The following CC2D2A variants were observed in gnomAD, a reference collection of about 807,000 sequenced individuals.
CC2D2A encodes the protein coiled-coil and C2 domain-containing protein 2A.
CC2D2A carries 155 observed loss-of-function variants against 212.9 expected under a neutral mutation model. The observed-to-expected ratio is 0.73, with a 90% confidence interval of 0.64 to 0.83. CC2D2A has a LOEUF of 0.83. Among genes scored for constraint, CC2D2A ranks in the 40% least tolerant of loss-of-function variants. CC2D2A has a pLI of 0.00. For missense variants in CC2D2A, 1,856 were observed against 1,956.2 expected (o/e 0.95, Z 0.97); for synonymous variants, 667 against 686.5 (o/e 0.97, Z 0.44).
At chr4:15,548,791 T>C (rs574362511) in intron 17 of CC2D2A, among the ~76,000 whole-genome samples, 1 of 152,278 alleles carries the variant, frequency 6.6e-6, no homozygotes, top group Non-Finnish European at 1.5e-5. Context: ...TGGCACTCCT[T>C]GTCCCATCAG....
intron 1 of CC2D2A, among the ~76,000 whole-genome samples, chr4:15,474,495 TAGAA>T (rs1714042545): frequency 1.3e-5 from 2 of 151,064 alleles, no homozygotes; most frequent in Non-Finnish European, 3.0e-5. Flanking sequence ...AAAAAAAAAA[TAGAA>T]AGAATGAATG....
At position 15,590,470 on chromosome 4, in the gene CC2D2A, G is replaced by A. The variant is rs896432069; in HGVS notation, c.4314+791G>A. ...GCAGAGGTTGCAACGAGCTGAGATGGAGCCACTGCATTCCATCCTGGGCAA... is the reference window on the plus strand; with the variant it reads ...GCAGAGGTTGCAACGAGCTGAGATGAAGCCACTGCATTCCATCCTGGGCAA... On this transcript the variant is annotated intron_variant, in intron 33 of 36. Coordinates refer to ENST00000424120, the MANE Select transcript of CC2D2A (RefSeq NM_001378615.1). 4.6e-5 allele frequency among the ~76,000 whole-genome samples: 7 copies of A among 152,122 alleles called. No individual in the cohort carries two copies. The East Asian group carries it at 1.4e-3, about 29-fold the overall frequency.
At chr4:15,496,860 G>A (rs747701847) in intron 4 of CC2D2A, among the ~76,000 whole-genome samples, 3 of 152,016 alleles carry the variant, frequency 2.0e-5, no homozygotes, top group Admixed American at 1.3e-4. Flanking sequence ...TAACCAGGAA[G>A]GTAAAAGATC....
intron 4 of CC2D2A, among the ~76,000 whole-genome samples, chr4:15,493,425 G>C (rs1715432987): frequency 6.6e-6 from 1 of 151,938 alleles, no homozygotes; most frequent in Non-Finnish European, 1.5e-5. Context: ...GGGACTACAG[G>C]TGTACACCAT....
intron 14 of CC2D2A, 39 bp downstream of exon 14, chr4:15,533,372 A>G: frequency 7.2e-7 from 1 of 1,383,814 alleles, no homozygotes; most frequent in Non-Finnish European, 9.7e-7. Flanking sequence ...GGGCTATATC[A>G]TACATTAAGA....
At chr4:15,492,524 T>G (rs1394799157) in intron 4 of CC2D2A, among the ~76,000 whole-genome samples, 2 of 151,508 alleles carry the variant, frequency 1.3e-5, no homozygotes, top group Non-Finnish European at 2.9e-5. Flanking sequence ...TTTTTTTTTT[T>G]GAGCACAGGG....
chr4:15,553,722 T>C (rs1243653232), intron 19 of CC2D2A, among the ~76,000 whole-genome samples: 1 of 152,164 alleles, frequency 6.6e-6, no homozygotes, highest in Non-Finnish European at 1.5e-5. Context: ...GCCTCCTCCC[T>C]TGATCGCTAT....
intron 5 of CC2D2A, 79 bp from the exon 6 acceptor site, chr4:15,502,743 G>C (rs2108998663): frequency 7.9e-7 from 1 of 1,258,578 alleles, no homozygotes; most frequent in East Asian, 2.5e-5. Context: ...CCTTAAAGAA[G>C]GATAGCATGT....
Position 15,567,471 on chromosome 4 carries a change from C to G in CC2D2A, c.3277C>G (p.Pro1093Ala). 2.5e-6 allele frequency: 4 copies of G among 1,612,580 alleles called. No homozygotes were observed. The highest frequency in any genetic ancestry group is 2.5e-6 in the Non-Finnish European group (3 of 1,179,324). The change falls in exon 25 of 37, where the codon CCC becomes GCC. Residue 1093 changes from proline to alanine, a missense_variant. By Grantham distance (27) the Pro-to-Ala change is conservative. Coordinates refer to ENST00000424120, the MANE Select transcript of CC2D2A (RefSeq NM_001378615.1). Reference protein sequence around the residue: ...TYSPTHNADYPLGQVLVRPFV... With the variant: ...TYSPTHNADYALGQVLVRPFV... ...CAGCCCAACCCACAATGCTGACTACCCCCTCGGCCAGGTGAGAGATGCTGG... is the reference window on the plus strand; with the variant it reads ...CAGCCCAACCCACAATGCTGACTACGCCCTCGGCCAGGTGAGAGATGCTGG...
At chr4:15,479,164 A>G in intron 3 of CC2D2A, 1 of 1,284,628 alleles carries the variant, frequency 7.8e-7, no homozygotes, top group Non-Finnish European at 1.1e-6. Flanking sequence ...ACACGATTAC[A>G]AATCTTGGGA....
chr4:15,495,055 C>T (rs1474890722), intron 4 of CC2D2A, among the ~76,000 whole-genome samples: 1 of 152,128 alleles, frequency 6.6e-6, no homozygotes, highest in Admixed American at 6.6e-5. Context: ...GGTAGTTTTT[C>T]AACCCTCACC....
chr4:15,470,649 ATCTCTCTCTCTCTC>A (rs56039505), intron 1 of CC2D2A, among the ~76,000 whole-genome samples: 6 of 98,578 alleles, frequency 6.1e-5, no homozygotes, highest in African/African-American at 1.3e-4. Context: ...CCAGCATGAA[ATCTCTCTCTCTCTC>A]TCTCTCTCTC....
At chr4:15,590,464 G>T (rs959417950) in intron 33 of CC2D2A, among the ~76,000 whole-genome samples, 1 of 152,130 alleles carries the variant, frequency 6.6e-6, no homozygotes, top group African/African-American at 2.4e-5. Context: ...GCAACGAGCT[G>T]AGATGGAGCC....
intron 11 of CC2D2A, among the ~76,000 whole-genome samples, chr4:15,525,237 A>C (rs1442585285): frequency 6.6e-6 from 1 of 152,194 alleles, no homozygotes; most frequent in Non-Finnish European, 1.5e-5. Flanking sequence ...CATACCAAGA[A>C]GCGTACAAGA....
intron 11 of CC2D2A, among the ~76,000 whole-genome samples, chr4:15,522,956 A>G (rs1717296499): frequency 6.6e-6 from 1 of 151,968 alleles, no homozygotes; most frequent in Non-Finnish European, 1.5e-5. Flanking sequence ...CGTCTCTACT[A>G]AAAATACAAA....
chr4:15,475,531 G>T (rs1225165694), intron 1 of CC2D2A, among the ~76,000 whole-genome samples: 1 of 152,082 alleles, frequency 6.6e-6, no homozygotes, highest in Non-Finnish European at 1.5e-5. Flanking sequence ...TGGTGGGAGG[G>T]GAAGGGGATG....
At chr4:15,523,847 C>T (rs1717345736) in intron 11 of CC2D2A, among the ~76,000 whole-genome samples, 1 of 152,158 alleles carries the variant, frequency 6.6e-6, no homozygotes, top group Admixed American at 6.5e-5. Flanking sequence ...CTTAACAACT[C>T]CAGAAGGAAA....
chr4:15,518,775 A>AT (rs1477864791), intron 11 of CC2D2A, among the ~76,000 whole-genome samples: 1 of 152,210 alleles, frequency 6.6e-6, no homozygotes, highest in African/African-American at 2.4e-5. Flanking sequence ...CCATGGCCCG[A>AT]GTTGTACCTT....
chr4:15,596,879 A>G (rs1721343524), intron 34 of CC2D2A, among the ~76,000 whole-genome samples: 1 of 152,218 alleles, frequency 6.6e-6, no homozygotes, highest in Non-Finnish European at 1.5e-5. Context: ...ACAGTAGTTA[A>G]TCAGCATTAA....
Sources: allele counts gnomAD v4.1 joint callset (sites outside exome capture counted in the v4.1 genomes callset), GRCh38; gene constraint gnomAD v4.1.1; transcripts MANE v1.5; gene names NCBI Gene and HGNC (gene_info 2026-07-23, HGNC 2026-07-21).